HSD17B12: variants seen among roughly 807,000 people sequenced by gnomAD.
HSD17B12 encodes the protein hydroxysteroid 17-beta dehydrogenase 12.
HSD17B12 carries 32 observed loss-of-function variants against 39.3 expected under a neutral mutation model. The ratio of observed to expected loss-of-function variants is 0.81; its 90% confidence interval spans 0.61 to 1.09. The LOEUF is 1.09. Ranked by LOEUF, HSD17B12 falls within the 50% of genes least tolerant of loss-of-function variation. The pLI is 0.00. For synonymous variants in HSD17B12, 150 were observed against 146.7 expected (o/e 1.02, Z -0.16); for missense variants, 342 against 382.9 (o/e 0.89, Z 0.89).
intron 1 of HSD17B12, among the ~76,000 whole-genome samples, chr11:43,746,482 G>A (rs1950413751): frequency 6.6e-6 from 1 of 152,004 alleles, no homozygotes; most frequent in Non-Finnish European, 1.5e-5. Context: ...TCCACATTTT[G>A]TCCCATTGGA....
the HSD17B12 span, among the ~76,000 whole-genome samples, chr11:43,609,856 C>A: frequency 6.6e-6 from 1 of 152,162 alleles, no homozygotes; most frequent in African/African-American, 2.4e-5. Flanking sequence ...TGGCTTCTAT[C>A]ATCGAGAGTT....
At chr11:43,718,140 A>C (rs1172803296) in intron 1 of HSD17B12, among the ~76,000 whole-genome samples, 5 of 152,208 alleles carry the variant, frequency 3.3e-5, no homozygotes, top group Non-Finnish European at 7.3e-5. Context: ...AGCAAGCCAC[A>C]GGACCAGCTC....
At chr11:43,721,316 G>C (rs1463603101) in intron 1 of HSD17B12, among the ~76,000 whole-genome samples, 1 of 151,986 alleles carries the variant, frequency 6.6e-6, no homozygotes, top group African/African-American at 2.4e-5. Flanking sequence ...AGCCAAACAT[G>C]GGGTAAGAGT....
intron 4 of HSD17B12, among the ~76,000 whole-genome samples, chr11:43,806,919 G>T (rs528593323): frequency 6.6e-6 from 1 of 152,098 alleles, no homozygotes; most frequent in Non-Finnish European, 1.5e-5. Flanking sequence ...AAATTATCAC[G>T]TGTACCCTGA....
chr11:43,711,221 A>G (rs966146982), intron 1 of HSD17B12, among the ~76,000 whole-genome samples: 1 of 152,222 alleles, frequency 6.6e-6, no homozygotes, highest in African/African-American at 2.4e-5. Context: ...CTTGTTTAAT[A>G]TTTCAAAAGA....
chr11:43,658,034 A>G, the HSD17B12 span, among the ~76,000 whole-genome samples: 1 of 152,320 alleles, frequency 6.6e-6, no homozygotes, highest in African/African-American at 2.4e-5. Context: ...CAGGTACACC[A>G]ATTAGACGTA....
At chr11:43,734,651 C>A in intron 1 of HSD17B12, 1 of 256,562 alleles carries the variant, frequency 3.9e-6, no homozygotes, top group Non-Finnish European at 7.6e-6. Context: ...GCCCCCACCC[C>A]AGAAATCACT....
At chr11:43,600,789 A>G in the HSD17B12 span, among the ~76,000 whole-genome samples, 1 of 151,952 alleles carries the variant, frequency 6.6e-6, no homozygotes, top group Non-Finnish European at 1.5e-5. Flanking sequence ...GCGTTAATAT[A>G]ATATATGTAA....
At chr11:43,571,115 C>T in the HSD17B12 span, among the ~76,000 whole-genome samples, 2 of 152,180 alleles carry the variant, frequency 1.3e-5, no homozygotes, top group Admixed American at 6.6e-5. Flanking sequence ...TGCAAGGCTG[C>T]TTTAATAGTG....
At chr11:43,633,873 G>A in the HSD17B12 span, among the ~76,000 whole-genome samples, 1 of 151,724 alleles carries the variant, frequency 6.6e-6, no homozygotes, top group East Asian at 2.0e-4. Context: ...TCAGGAGTTC[G>A]AGACCAGCCT....
the HSD17B12 span, among the ~76,000 whole-genome samples, chr11:43,617,548 A>G: frequency 6.6e-6 from 1 of 152,144 alleles, no homozygotes; most frequent in African/African-American, 2.4e-5. Flanking sequence ...GGCTATTATT[A>G]TGGCAAGATC....
chr11:43,655,044 A>T, the HSD17B12 span, among the ~76,000 whole-genome samples: 1 of 152,266 alleles, frequency 6.6e-6, no homozygotes, highest in South Asian at 2.1e-4. Context: ...TGAGCATGGA[A>T]TGTCCTTCCA....
At chr11:43,778,845 C>G (rs1389432062) in intron 3 of HSD17B12, among the ~76,000 whole-genome samples, 1 of 152,124 alleles carries the variant, frequency 6.6e-6, no homozygotes, top group African/African-American at 2.4e-5. Context: ...TTTCTCTTTA[C>G]AAGTATACAT....
At chr11:43,815,280 T>G (rs775726687) in intron 4 of HSD17B12, among the ~76,000 whole-genome samples, 157 bp from the exon 5 acceptor site, 14 of 152,092 alleles carry the variant, frequency 9.2e-5, no homozygotes, top group Non-Finnish European at 1.8e-4. Flanking sequence ...AAGGATAGAT[T>G]TTGGACAGAA....
intron 4 of HSD17B12, among the ~76,000 whole-genome samples, chr11:43,810,114 T>C (rs1409122286): frequency 6.6e-6 from 1 of 152,040 alleles, no homozygotes; most frequent in Non-Finnish European, 1.5e-5. Context: ...TCTGTTAGAA[T>C]TGTTTGTTCA....
intron 4 of HSD17B12, among the ~76,000 whole-genome samples, chr11:43,802,923 A>T (rs1950985415): frequency 6.6e-6 from 1 of 152,186 alleles, no homozygotes; most frequent in Non-Finnish European, 1.5e-5. Context: ...ATTATAGCTA[A>T]TGTTTACATA....
chr11:43,582,978 G>A, the HSD17B12 span, among the ~76,000 whole-genome samples: 6 of 152,212 alleles, frequency 3.9e-5, no homozygotes, highest in Admixed American at 1.3e-4. Context: ...ACCTGGGGCC[G>A]TCTGTGGAGC....
chr11:43,817,137 A>G (rs1049249415), intron 6 of HSD17B12, among the ~76,000 whole-genome samples: 2 of 150,920 alleles, frequency 1.3e-5, no homozygotes, highest in Admixed American at 6.6e-5. Context: ...CCATTTGCAT[A>G]TTGTCTTTTG....
At chr11:43,619,259 T>TTTATATATATATAAAATATATATATA in the HSD17B12 span, among the ~76,000 whole-genome samples, 1 of 82,052 alleles carries the variant, frequency 1.2e-5, no homozygotes, top group African/African-American at 3.8e-5. Context: ...TATATATATA[T>TTTATATATATATAAAATATATATATA]TTTATATATA....
Sources: allele counts gnomAD v4.1 joint callset (sites outside exome capture counted in the v4.1 genomes callset), GRCh38; gene constraint gnomAD v4.1.1; transcripts MANE v1.5; gene names NCBI Gene and HGNC (gene_info 2026-07-23, HGNC 2026-07-21).